ZMYND8: variants seen among roughly 807,000 people sequenced by gnomAD.
ZMYND8 encodes the protein zinc finger MYND-type containing 8.
Under a neutral mutation model 140.8 loss-of-function variants are expected in ZMYND8, and 37 were observed. The observed-to-expected ratio is 0.26, with a 90% CI of 0.20 to 0.35. The LOEUF (loss-of-function observed/expected upper bound fraction) is 0.35, where lower values mean the gene tolerates loss of function less well. Ranked by LOEUF, ZMYND8 falls within the 10% of genes least tolerant of loss-of-function variation. The pLI, the probability that ZMYND8 is intolerant of heterozygous loss-of-function variation, is 1.00. For missense variants in ZMYND8, 1,068 were observed against 1,570.0 expected (o/e 0.68, Z 5.40); for synonymous variants, 592 against 597.1 (o/e 0.99, Z 0.12).
intron 12 of ZMYND8, among the ~76,000 whole-genome samples, chr20:47,256,073 CAA>C (rs1056906641): frequency 6.0e-5 from 8 of 134,412 alleles, no homozygotes; most frequent in East Asian, 2.1e-4. Flanking sequence ...AGCTCTGTCT[CAA>C]AAAAAAAAAA....
chr20:47,328,487 C>T (rs545319025), intron 2 of ZMYND8, among the ~76,000 whole-genome samples: 2 of 150,328 alleles, frequency 1.3e-5, no homozygotes, highest in South Asian at 4.2e-4. Context: ...TTTTTTTTTT[C>T]GAGACAGAGT....
chr20:47,215,898 A>G (rs561295239), intron 21 of ZMYND8, among the ~76,000 whole-genome samples: 1 of 152,344 alleles, frequency 6.6e-6, no homozygotes, highest in Admixed American at 6.5e-5. Context: ...AGAACGTTCT[A>G]TTGGAGATGC....
In ZMYND8 at chr20:47,356,351, GA is replaced by G. The variant is rs746822773; in HGVS notation, c.14+305del. ...AGGGAAAGAAAAAAAAAAAAAGAAG[GA>G]AAAAAAAAAGCTTCTTTTTTGGCAT... is the stretch of plus-strand genomic sequence containing the variant. On this transcript the variant is annotated intron_variant, in intron 1 of 22. Coordinates refer to ENST00000471951, the MANE Select transcript of ZMYND8 (RefSeq NM_001281775.3). 1,102 of 1,295,928 alleles carry G rather than the reference GA, an allele frequency of 8.5e-4. 1 individual carries two copies. The highest frequency in any genetic ancestry group is 3.1e-3 in the African/African-American group (198 of 64,476). The allele number at this position is 1,295,928 out of a possible 1,614,324, so 80.3% of individuals were successfully genotyped here. A position where few individuals can be genotyped will look rare whatever the true frequency, so the allele number is the denominator to read the frequency against.
In ZMYND8 at chr20:47,246,443, T is replaced by C; in HGVS notation, c.1849A>G (p.Ser617Gly). The C allele has an allele frequency of 1.2e-6, 2 of 1,614,024 alleles. No homozygotes were observed. The highest frequency in any genetic ancestry group is 1.7e-6 in the Non-Finnish European group (2 of 1,180,028). The change falls in exon 14 of 23, where the codon AGT becomes GGT. Residue 617 changes from serine (S) to glycine (G), a missense_variant. Coordinates refer to ENST00000471951, the MANE Select transcript of ZMYND8 (RefSeq NM_001281775.3). The part of the protein sequence containing the change: ...SDSEDSEKSD[S>G]SDSEYISDDE... ...TCACTGATATACTCACTATCGCTAC[T>C]ATCTGACTTCTCAGAATCCTCCGAA... is the stretch of plus-strand genomic sequence containing the variant.
chr20:47,263,731 A>G (rs1191247060), intron 11 of ZMYND8, among the ~76,000 whole-genome samples: 1 of 152,208 alleles, frequency 6.6e-6, no homozygotes, highest in Non-Finnish European at 1.5e-5. Context: ...TGGCAGCAGC[A>G]AAGAGAGACA....
chr20:47,335,312 T>A (rs1195849110), intron 2 of ZMYND8, among the ~76,000 whole-genome samples: 2 of 152,106 alleles, frequency 1.3e-5, no homozygotes, highest in Non-Finnish European at 2.9e-5. Context: ...AAGGTATTTT[T>A]TTTTTAAGTC....
At chr20:47,288,840 G>A (rs1259800974) in intron 7 of ZMYND8, among the ~76,000 whole-genome samples, 1 of 152,168 alleles carries the variant, frequency 6.6e-6, no homozygotes, top group East Asian at 1.9e-4. Context: ...GGTCTCTAAT[G>A]CCTGTAATCC....
intron 18 of ZMYND8, among the ~76,000 whole-genome samples, chr20:47,226,671 A>G (rs576181073): frequency 6.6e-6 from 1 of 152,242 alleles, no homozygotes; most frequent in Admixed American, 6.6e-5. Context: ...AAAGGAAAGG[A>G]AAACCAGGGA....
intron 8 of ZMYND8, among the ~76,000 whole-genome samples, chr20:47,284,668 C>T (rs537453058): frequency 2.0e-5 from 3 of 152,218 alleles, no homozygotes; most frequent in South Asian, 4.2e-4. Context: ...CTAATTAATA[C>T]CATGTTGCCC....
chr20:47,354,486 G>A (rs1285792949), intron 1 of ZMYND8: 4 of 152,184 alleles, frequency 2.6e-5, no homozygotes, highest in Non-Finnish European at 5.9e-5. Flanking sequence ...CAGTGGCACT[G>A]TTCAGTTTTA....
At chr20:47,250,269 G>A (rs988284289) in intron 12 of ZMYND8, among the ~76,000 whole-genome samples, 6 of 151,968 alleles carry the variant, frequency 3.9e-5, no homozygotes, top group African/African-American at 9.7e-5. Flanking sequence ...CTCTCCCACC[G>A]ACTCCAGTGC....
intron 15 of ZMYND8, among the ~76,000 whole-genome samples, chr20:47,236,857 C>T (rs1264756226): frequency 1.3e-5 from 2 of 152,132 alleles, no homozygotes; most frequent in Non-Finnish European, 2.9e-5. Flanking sequence ...CCTCAGCATC[C>T]CAGTGTCTAT....
chr20:47,354,262 T>C (rs1182330611), intron 1 of ZMYND8: 2 of 152,200 alleles, frequency 1.3e-5, no homozygotes, highest in African/African-American at 4.8e-5. Flanking sequence ...GCCATTTTAA[T>C]GCAAGCTTTT....
intron 16 of ZMYND8, among the ~76,000 whole-genome samples, chr20:47,232,571 T>C (rs1257507386): frequency 6.6e-6 from 1 of 151,958 alleles, no homozygotes; most frequent in Non-Finnish European, 1.5e-5. Flanking sequence ...ACAAAGGGGA[T>C]GCAGAAGGTA....
chr20:47,232,557 A>C (rs1010694159), intron 16 of ZMYND8, among the ~76,000 whole-genome samples: 1 of 152,106 alleles, frequency 6.6e-6, no homozygotes, highest in Non-Finnish European at 1.5e-5. Context: ...TAATTTTTTA[A>C]AGAACAAAGG....
In ZMYND8 at chr20:47,331,087, G is replaced by C. The variant is rs78538618; in HGVS notation, c.85+16769C>G. Among the ~76,000 whole-genome samples the C allele has an allele frequency of 3.4e-3, 516 of 150,940 alleles. 3 individuals are homozygous for C. The highest frequency in any genetic ancestry group is 0.012 in the African/African-American group (505 of 41,452). On this transcript the variant is annotated intron_variant, in intron 2 of 22. Coordinates refer to ENST00000471951, the MANE Select transcript of ZMYND8 (RefSeq NM_001281775.3). ...GAGAGAAGTGGAACACAGAGAGAAC[G>C]GAACACGGAGAGAATGGAACACAGA... is the stretch of plus-strand genomic sequence containing the variant.
At chr20:47,212,760 CAG>C in intron 21 of ZMYND8, 35 bp from the exon 22 acceptor site, 2 of 1,565,492 alleles carry the variant, frequency 1.3e-6, no homozygotes, top group South Asian at 1.2e-5. Context: ...CAGAGTCTGT[CAG>C]AGAGCTGGAA....
At chr20:47,271,024 C>T (rs942599146) in intron 11 of ZMYND8, among the ~76,000 whole-genome samples, 1 of 151,934 alleles carries the variant, frequency 6.6e-6, no homozygotes, top group African/African-American at 2.4e-5. Flanking sequence ...TTGCAGTGAG[C>T]CGAGATCGCA....
In ZMYND8 at chr20:47,290,679, C is replaced by A. The variant is rs143915301; in HGVS notation, c.661-405G>T. ...TGATCTCGGCTCACTGCAACCTCCACCTCCCGGGTTCAAGCAATTCCCCTG... is the reference window on the plus strand; with the variant it reads ...TGATCTCGGCTCACTGCAACCTCCAACTCCCGGGTTCAAGCAATTCCCCTG... On this transcript the variant is annotated intron_variant, in intron 6 of 22. Transcript: ENST00000471951. 2.1e-3 allele frequency among the ~76,000 whole-genome samples: 311 copies of A among 149,140 alleles called. 1 individual carries two copies. The highest frequency in any genetic ancestry group is 7.1e-3 in the African/African-American group (287 of 40,456).
Sources: allele counts gnomAD v4.1 joint callset (sites outside exome capture counted in the v4.1 genomes callset), GRCh38; gene constraint gnomAD v4.1.1; transcripts MANE v1.5; gene names NCBI Gene and HGNC (gene_info 2026-07-23, HGNC 2026-07-21).